CPNE4: variants seen among roughly 807,000 people sequenced by gnomAD.
The protein encoded by CPNE4 is copine 4, also known as copine-4.
CPNE4 carries 25 observed loss-of-function variants against 67.9 expected under a neutral mutation model. The observed-to-expected ratio is 0.37, with a 90% CI of 0.27 to 0.51. The LOEUF (loss-of-function observed/expected upper bound fraction) is 0.51. CPNE4 is among the 20% of genes least tolerant of loss of function. The pLI, the probability that CPNE4 is intolerant of heterozygous loss-of-function variation, is 0.93. For synonymous variants in CPNE4, 242 were observed against 244.9 expected (o/e 0.99, Z 0.11); for missense variants, 464 against 690.8 (o/e 0.67, Z 3.68).
At chr3:131,933,544 T>A (rs2071131751) in intron 1 of CPNE4, among the ~76,000 whole-genome samples, 5 of 152,150 alleles carry the variant, frequency 3.3e-5, no homozygotes, top group Admixed American at 2.6e-4. Flanking sequence ...CCTAAGGACT[T>A]GAAATCAGTG....
chr3:131,846,865 A>G (rs2086019110), intron 2 of CPNE4, among the ~76,000 whole-genome samples: 1 of 152,196 alleles, frequency 6.6e-6, no homozygotes, highest in Non-Finnish European at 1.5e-5. Flanking sequence ...TCCTTGCAGC[A>G]TGACAGCTGC....
At chr3:131,771,564 C>A (rs550457578) in intron 2 of CPNE4, among the ~76,000 whole-genome samples, 1 of 152,232 alleles carries the variant, frequency 6.6e-6, no homozygotes, top group South Asian at 2.1e-4. Context: ...TTTGCACACA[C>A]CCAGTCCCCT....
chr3:131,982,782 C>A (rs1331670374), intron 1 of CPNE4, among the ~76,000 whole-genome samples: 1 of 151,886 alleles, frequency 6.6e-6, no homozygotes, highest in African/African-American at 2.4e-5. Context: ...TAATAAATTA[C>A]ATATATATGA....
chr3:131,536,950 T>TTTCC (rs1192190398), intron 15 of CPNE4, among the ~76,000 whole-genome samples: 2 of 152,202 alleles, frequency 1.3e-5, no homozygotes, highest in Non-Finnish European at 2.9e-5. Context: ...ATTCCATCCT[T>TTTCC]TGAGATATAA....
chr3:131,899,450 G>A (rs2088466321), intron 2 of CPNE4, among the ~76,000 whole-genome samples: 1 of 152,038 alleles, frequency 6.6e-6, no homozygotes, highest in African/African-American at 2.4e-5. Flanking sequence ...AGAACACTGT[G>A]AAAACCAGAC....
At chr3:131,709,390 C>A (rs1422110731) in intron 3 of CPNE4, among the ~76,000 whole-genome samples, 3 of 152,132 alleles carry the variant, frequency 2.0e-5, no homozygotes, top group Non-Finnish European at 2.9e-5. Context: ...GTCATAGCAG[C>A]AAGAGATCCC....
chr3:131,691,796 G>C (rs1390434561), intron 5 of CPNE4, among the ~76,000 whole-genome samples: 1 of 152,040 alleles, frequency 6.6e-6, no homozygotes, highest in Non-Finnish European at 1.5e-5. Flanking sequence ...CAAATATCAG[G>C]GGTGATTACT....
chr3:131,817,763 A>G (rs980940804), intron 2 of CPNE4, among the ~76,000 whole-genome samples: 1 of 152,262 alleles, frequency 6.6e-6, no homozygotes, highest in African/African-American at 2.4e-5. Context: ...TGTTCATGGC[A>G]GAAGTTACAG....
intron 1 of CPNE4, among the ~76,000 whole-genome samples, chr3:131,950,217 T>C (rs1293137184): frequency 2.6e-5 from 4 of 152,218 alleles, no homozygotes; most frequent in Non-Finnish European, 1.5e-5. Context: ...AAAAGTCAAC[T>C]AATTTCATAT....
chr3:131,942,459 TGTGTGAGAGAGAGAGAGAGAGAGAGA>T (rs1444330066), intron 1 of CPNE4, among the ~76,000 whole-genome samples: 16 of 56,422 alleles, frequency 2.8e-4, no homozygotes, highest in South Asian at 2.2e-3. Context: ...TGTGTGTGTG[TGTGTGAGAGAGAGAGAGAGAGAGAGA>T]GAGAGAGAGA....
Position 131,535,037 on chromosome 3 carries a change from G to GC in CPNE4, c.*157dup, listed in dbSNP as rs2107617978. 4.6e-6 allele frequency: 3 copies of GC among 647,482 alleles called. No individual in the cohort carries two copies. Among genetic ancestry groups the GC allele is most frequent in the Non-Finnish European group, 7.2e-6 (3 of 417,016 alleles). 40.1% of individuals were successfully genotyped at this position (647,482 alleles called of 1,614,324 possible). A position where few individuals can be genotyped will look rare whatever the true frequency, so the allele number is the denominator to read the frequency against. ...AGATCCAGGCCTCAGGGCTACACAT[G>GC]CAAAAAAAATTGTCAGATAGTTAAA... On this transcript the variant is annotated 3_prime_UTR_variant, in exon 16 of 16. Transcript: ENST00000429747.
At chr3:131,803,852 C>T (rs1409872100) in intron 2 of CPNE4, among the ~76,000 whole-genome samples, 2 of 152,274 alleles carry the variant, frequency 1.3e-5, no homozygotes, top group East Asian at 3.9e-4. Flanking sequence ...AAATGGTGGT[C>T]AGGAAGAGTG....
chr3:131,898,255 C>G (rs1267713327), intron 2 of CPNE4, among the ~76,000 whole-genome samples: 1 of 152,096 alleles, frequency 6.6e-6, no homozygotes, highest in East Asian at 1.9e-4. Context: ...CATGCCCTCT[C>G]AAACTCTTTC....
chr3:131,745,541 T>C lies in CPNE4; in HGVS notation c.181-21916A>G, dbSNP rs1303041096. ...CTCCTATTTTTTTCTGAAAGTTTTA[T>C]AGTTTAATGCTTTACATTTAAGTCT... On this transcript the variant is annotated intron_variant, in intron 2 of 15. Transcript: ENST00000429747. Among the ~76,000 whole-genome samples the C allele has an allele frequency of 3.9e-5, 6 of 152,256 alleles. No homozygotes were observed. The East Asian group carries it at 1.2e-3, about 29-fold the overall frequency.
intron 1 of CPNE4, among the ~76,000 whole-genome samples, chr3:131,999,498 G>A (rs1278709052): frequency 6.6e-6 from 1 of 151,954 alleles, no homozygotes; most frequent in Non-Finnish European, 1.5e-5. Context: ...TCTAAAACAG[G>A]CAAAATAATT....
chr3:131,706,208 A>C (rs1189149920), intron 3 of CPNE4, among the ~76,000 whole-genome samples: 3 of 152,228 alleles, frequency 2.0e-5, no homozygotes, highest in Non-Finnish European at 4.4e-5. Flanking sequence ...TTTTAAGTGA[A>C]AGAGGCAAAC....
At chr3:131,868,021 T>C (rs2087030702) in intron 2 of CPNE4, among the ~76,000 whole-genome samples, 1 of 152,128 alleles carries the variant, frequency 6.6e-6, no homozygotes, top group African/African-American at 2.4e-5. Flanking sequence ...CCATAAAATA[T>C]AGTAGTAATG....
At chr3:131,580,655 G>A (rs1937767728) in intron 9 of CPNE4, among the ~76,000 whole-genome samples, 1 of 152,036 alleles carries the variant, frequency 6.6e-6, no homozygotes, top group Non-Finnish European at 1.5e-5. Context: ...ACATCTCAGG[G>A]TTGTGGTAAG....
intron 1 of CPNE4, 105 bp downstream of exon 1, chr3:132,034,462 G>T: frequency 2.8e-6 from 1 of 357,324 alleles, no homozygotes; most frequent in Non-Finnish European, 3.9e-6. Flanking sequence ...AGGTGAGCGA[G>T]AACCAGTGCA....
Sources: gnomAD v4.1 joint callset for allele counts (sites outside exome capture counted in the v4.1 genomes callset) on GRCh38, gnomAD v4.1.1 for gene constraint, MANE v1.5 for transcripts, NCBI Gene and HGNC (gene_info 2026-07-23, HGNC 2026-07-21) for gene names.